TBC1D19: variants seen among roughly 807,000 people sequenced by gnomAD.
TBC1D19 encodes TBC1 domain family, member 19.
A neutral mutation model predicts 89.0 loss-of-function variants in TBC1D19; 60 were observed. The ratio of observed to expected loss-of-function variants is 0.67; its 90% CI spans 0.55 to 0.84. TBC1D19 has a LOEUF of 0.84. TBC1D19 is among the 40% of genes least tolerant of loss of function. The pLI is 0.00. For missense variants in TBC1D19, 500 were observed against 610.8 expected (o/e 0.82, Z 1.91); for synonymous variants, 189 against 199.7 (o/e 0.95, Z 0.45).
intron 1 of TBC1D19, among the ~76,000 whole-genome samples, chr4:26,609,693 G>A (rs1034511304): frequency 6.6e-6 from 1 of 152,120 alleles, no homozygotes; most frequent in African/African-American, 2.4e-5. Context: ...AGTATGCCCT[G>A]TTAAAAAATG....
the TBC1D19 span, among the ~76,000 whole-genome samples, chr4:26,791,240 A>G: frequency 5.3e-4 from 81 of 152,162 alleles, no homozygotes; most frequent in Non-Finnish European, 8.8e-4. Flanking sequence ...ATGGTGGAGG[A>G]GAATAAACAG....
chr4:26,578,832 A>C (rs1739019417), intron 1 of TBC1D19, among the ~76,000 whole-genome samples: 2 of 152,168 alleles, frequency 1.3e-5, no homozygotes, highest in African/African-American at 2.4e-5. Flanking sequence ...CTTTTGTACA[A>C]CTCAACAGAG....
At chr4:26,595,939 A>G (rs1740177359) in intron 1 of TBC1D19, among the ~76,000 whole-genome samples, 1 of 152,062 alleles carries the variant, frequency 6.6e-6, no homozygotes, top group African/African-American at 2.4e-5. Flanking sequence ...TTTTTAATAC[A>G]GATTTATTTA....
intron 19 of TBC1D19, among the ~76,000 whole-genome samples, chr4:26,750,492 G>A (rs2109332506): frequency 6.6e-6 from 1 of 152,264 alleles, no homozygotes; most frequent in East Asian, 1.9e-4. Flanking sequence ...AAACCTCCAA[G>A]CCCTCTTTCA....
At chr4:26,703,726 G>A (rs950440503) in intron 13 of TBC1D19, among the ~76,000 whole-genome samples, 1 of 151,760 alleles carries the variant, frequency 6.6e-6, no homozygotes. Context: ...GGCCAAGGCG[G>A]GTGGATCACG....
rs1270827755 is a variant in TBC1D19, at chr4:26,754,090, A to G, written c.1506+200A>G. On this transcript the variant is annotated intron_variant, in intron 20 of 20. Transcript: ENST00000264866. ...CTTGAGAAAAGTCTTCTTATGAAGG[A>G]GTAATAAACAAGATTATTATAGGAA... 6 of 528,176 alleles carry G rather than the reference A, an allele frequency of 1.1e-5. No individual in the cohort carries two copies. The South Asian group carries it at 1.6e-4, about 14-fold the overall frequency. 32.7% of individuals were successfully genotyped at this position (528,176 alleles called of 1,614,324 possible).
chr4:26,789,893 G>T, the TBC1D19 span, among the ~76,000 whole-genome samples: 1 of 152,150 alleles, frequency 6.6e-6, no homozygotes. Context: ...GCAAAAACAT[G>T]GGTGGAATTA....
chr4:26,599,950 C>CAAAAAAAAAAAAAAAAAAAAAAAAAAAAA (rs36092049), intron 1 of TBC1D19, among the ~76,000 whole-genome samples: 1 of 72,782 alleles, frequency 1.4e-5, no homozygotes, highest in Non-Finnish European at 2.4e-5. Flanking sequence ...TCTGTCTCTC[C>CAAAAAAAAAAAAAAAAAAAAAAAAAAAAA]AAAAAAAAAA....
chr4:26,801,661 G>A, the TBC1D19 span, among the ~76,000 whole-genome samples: 1 of 152,138 alleles, frequency 6.6e-6, no homozygotes. Context: ...TCTTCCATTT[G>A]TTTGTATCCT....
At chr4:26,740,981 C>G in intron 17 of TBC1D19, 1 of 974,128 alleles carries the variant, frequency 1.0e-6, no homozygotes, top group Non-Finnish European at 1.2e-6. Flanking sequence ...TTTCTTATCT[C>G]TAAGAGAACT....
rs1415246745 is a variant in TBC1D19, at chr4:26,584,255, G to T, written c.62G>T (p.Gly21Val). ...IIAQIVQKLK[G>V]SNLYSQLERQ... ...GCCCAGATAGTCCAAAAGCTCAAGG[G>T]CTCCAATTTGTACTCTCAGCTGGAA... Residue 21 changes from glycine to valine, a missense_variant, in exon 1 of 21, where the codon GGC becomes GTC. This residue lies in a region of TBC1D19 where 280 missense variants were observed against 291.7 expected (regional missense o/e 0.96). Coordinates refer to ENST00000264866, the MANE Select transcript of TBC1D19 (RefSeq NM_018317.4). 6.2e-7 allele frequency: 1 copy of T among 1,612,802 alleles called. No homozygotes were observed. The highest frequency in any genetic ancestry group is 8.5e-7 in the Non-Finnish European group (1 of 1,179,662).
intron 11 of TBC1D19, among the ~76,000 whole-genome samples, chr4:26,683,472 C>T (rs1164908811): frequency 6.6e-6 from 1 of 152,132 alleles, no homozygotes; most frequent in Non-Finnish European, 1.5e-5. Flanking sequence ...GGAATACTCA[C>T]CAGGTGCCAG....
intron 7 of TBC1D19, among the ~76,000 whole-genome samples, chr4:26,652,782 C>T (rs375685213): frequency 3.3e-4 from 50 of 152,158 alleles, no homozygotes; most frequent in African/African-American, 1.1e-3. Flanking sequence ...GTCTTGCTAG[C>T]GGTCTATCAA....
chr4:26,829,901 G>A, the TBC1D19 span, among the ~76,000 whole-genome samples: 1 of 152,146 alleles, frequency 6.6e-6, no homozygotes, highest in Non-Finnish European at 1.5e-5. Flanking sequence ...TCAGCCCAGT[G>A]TGCTCTGGTA....
At chr4:26,634,952 C>T (rs1323957366) in intron 4 of TBC1D19, among the ~76,000 whole-genome samples, 2 of 152,086 alleles carry the variant, frequency 1.3e-5, no homozygotes, top group African/African-American at 4.8e-5. Flanking sequence ...GCTGCACATT[C>T]ATGTCTATTG....
At chr4:26,804,659 C>G in the TBC1D19 span, among the ~76,000 whole-genome samples, 2 of 152,204 alleles carry the variant, frequency 1.3e-5, no homozygotes, top group Non-Finnish European at 2.9e-5. Flanking sequence ...AGCGCAGGCC[C>G]GGCGGGCGGG....
chr4:26,638,923 T>C, intron 6 of TBC1D19, 89 bp downstream of exon 6: 1 of 1,057,290 alleles, frequency 9.5e-7, no homozygotes. Context: ...AACAATTCTT[T>C]TGGGAAGATT....
chr4:26,665,147 G>T (rs553941360), intron 8 of TBC1D19, among the ~76,000 whole-genome samples: 33 of 152,216 alleles, frequency 2.2e-4, no homozygotes, highest in African/African-American at 7.7e-4. Context: ...CAGTCCAGGG[G>T]TCTGCGGTAG....
chr4:26,698,629 TA>T (rs1469159084), intron 13 of TBC1D19, among the ~76,000 whole-genome samples: 19 of 152,154 alleles, frequency 1.2e-4, no homozygotes, highest in Non-Finnish European at 2.4e-4. Context: ...AAGGCTACAG[TA>T]ACCAAAACAG....
Sources: gnomAD v4.1 joint callset for allele counts (sites outside exome capture counted in the v4.1 genomes callset) on GRCh38, gnomAD v4.1.1 for gene constraint, gnomAD v4.1.1 regional missense constraint, MANE v1.5 for transcripts, NCBI Gene and HGNC (gene_info 2026-07-23, HGNC 2026-07-21) for gene names.